Variants in ELF5 observed in about 807,000 individuals in gnomAD.
The protein encoded by ELF5 is E74 like ETS transcription factor 5.
Under a neutral mutation model 38.2 loss-of-function variants are expected in ELF5, and 31 were observed. The observed-to-expected ratio is 0.81, with a 90% CI of 0.61 to 1.10. ELF5 has a LOEUF of 1.10. ELF5 is among the 50% of genes least tolerant of loss of function. The pLI, the probability that ELF5 is intolerant of heterozygous loss-of-function variation, is 0.00. For synonymous variants in ELF5, 121 were observed against 112.5 expected, an observed-to-expected ratio of 1.08 and a Z score of -0.48; for missense variants, 300 against 306.6, an observed-to-expected ratio of 0.98 and a Z score of 0.16.
intron 3 of ELF5, chr11:34,492,603 C>G (rs1438654928): frequency 6.6e-6 from 1 of 152,176 alleles, no homozygotes; most frequent in Non-Finnish European, 1.5e-5. Context: ...AAAACAGCTG[C>G]CATTTACTGC....
intron 2 of ELF5, among the ~76,000 whole-genome samples, chr11:34,499,307 A>T (rs1175252175): frequency 6.6e-6 from 1 of 152,064 alleles, no homozygotes; most frequent in African/African-American, 2.4e-5. Context: ...AGTTGCTCGA[A>T]CATGGCTCAC....
chr11:34,496,653 C>T (rs930064202), intron 2 of ELF5, among the ~76,000 whole-genome samples: 1 of 152,214 alleles, frequency 6.6e-6, no homozygotes, highest in African/African-American at 2.4e-5. Flanking sequence ...AGGCGTCCTC[C>T]TCATCCCTCC....
intron 2 of ELF5, among the ~76,000 whole-genome samples, chr11:34,498,046 A>G (rs1358697537): frequency 6.6e-6 from 1 of 152,192 alleles, no homozygotes; most frequent in Admixed American, 6.5e-5. Context: ...CTTGAAAATC[A>G]CTGTTCTCAA....
chr11:34,490,677 G>T (rs1361939551), intron 3 of ELF5, among the ~76,000 whole-genome samples: 1 of 152,132 alleles, frequency 6.6e-6, no homozygotes, highest in East Asian at 1.9e-4. Context: ...GGTGGGCTGG[G>T]GTTGAATGAG....
At chr11:34,509,864 G>A (rs1415779812) in intron 1 of ELF5, among the ~76,000 whole-genome samples, 1 of 152,054 alleles carries the variant, frequency 6.6e-6, no homozygotes. Context: ...AATTCCACAC[G>A]GAAGAAAACA....
At position 34,486,838 on chromosome 11, in the gene ELF5, G is replaced by A. The variant is rs144063621; in HGVS notation, c.406+3171C>T. 5.5e-3 allele frequency among the ~76,000 whole-genome samples: 844 copies of A among 152,316 alleles called. 4 individuals carry two copies. Among genetic ancestry groups the A allele is most frequent in the African/African-American group, 0.019 (801 of 41,552 alleles). ...GGTAAAGACAGCTATATTCATTTTC[G>A]TTGAAGACCCAATGGGAACATTGCT... On this transcript the variant is annotated intron_variant, in intron 4 of 6. Transcript: ENST00000257832.
chr11:34,489,004 G>T (rs1850086559), intron 4 of ELF5, among the ~76,000 whole-genome samples: 1 of 152,208 alleles, frequency 6.6e-6, no homozygotes. Flanking sequence ...ACAGGTGGGT[G>T]AGATGCTACA....
At chr11:34,486,695 G>A (rs61188939) in intron 4 of ELF5, among the ~76,000 whole-genome samples, 1 of 152,346 alleles carries the variant, frequency 6.6e-6, no homozygotes, top group African/African-American at 2.4e-5. Flanking sequence ...AGTTTCCTCA[G>A]ATGCAAATGG....
chr11:34,484,013 T>C (rs1228067193), intron 4 of ELF5, among the ~76,000 whole-genome samples: 1 of 151,566 alleles, frequency 6.6e-6, no homozygotes, highest in Non-Finnish European at 1.5e-5. Flanking sequence ...ATTAACTGTA[T>C]TGTACTGTAC....
chr11:34,484,456 ATACTG>A (rs1857025513), intron 4 of ELF5, among the ~76,000 whole-genome samples: 2 of 100,926 alleles, frequency 2.0e-5, no homozygotes, highest in South Asian at 6.3e-4. Flanking sequence ...TATACTAACT[ATACTG>A]TACTGTGCTA....
chr11:34,500,402 A>G (rs887194660), intron 2 of ELF5, among the ~76,000 whole-genome samples: 1 of 152,246 alleles, frequency 6.6e-6, no homozygotes, highest in Non-Finnish European at 1.5e-5. Context: ...TCCCAGAGCC[A>G]GTCCAGCTCC....
chr11:34,502,118 G>A (rs1022857059), intron 2 of ELF5, among the ~76,000 whole-genome samples: 14 of 152,208 alleles, frequency 9.2e-5, no homozygotes, highest in African/African-American at 1.9e-4. Flanking sequence ...TGCCAGGCAC[G>A]TGACTAAACA....
intron 3 of ELF5, chr11:34,493,202 A>G: frequency 1.7e-6 from 1 of 591,482 alleles, no homozygotes; most frequent in South Asian, 2.1e-5. Context: ...ATACTGTATT[A>G]TTATCAGCCT....
At chr11:34,486,880 C>T (rs12790145) in intron 4 of ELF5, among the ~76,000 whole-genome samples, 44,604 of 151,882 alleles carry the variant, frequency 0.29, 8,594 homozygotes, top group Non-Finnish European at 0.41. Context: ...CCCAGGATGC[C>T]ACTTTCCTTA....
intron 1 of ELF5, among the ~76,000 whole-genome samples, chr11:34,506,302 A>G (rs34901344): frequency 0.3 from 45,528 of 151,940 alleles, 8,955 homozygotes; most frequent in Non-Finnish European, 0.42. Flanking sequence ...TCCTGGACAT[A>G]AAGGTGGGGA....
intron 1 of ELF5, among the ~76,000 whole-genome samples, chr11:34,513,052 C>A (rs188953021): frequency 1.3e-5 from 2 of 152,304 alleles, no homozygotes; most frequent in East Asian, 3.9e-4. Context: ...GGGGGCAACC[C>A]CACAGAAACC....
rs2133903139 is a variant in ELF5 at position 34,507,845 on chromosome 11, A to T, written c.-4-2092T>A. On this transcript the variant is annotated intron_variant, in intron 1 of 6. Coordinates refer to ENST00000257832, the MANE Select transcript of ELF5 (RefSeq NM_001422.4). ...GTAAGTGTCTTGGGATATTAAACAC[A>T]TGGAATTTTAAGATTGGCAGGAGTG... 2.6e-5 allele frequency among the ~76,000 whole-genome samples: 4 copies of T among 152,338 alleles called. No individual in the cohort carries two copies. The Middle Eastern group carries it at 0.01, about 389-fold the overall frequency.
intron 4 of ELF5, among the ~76,000 whole-genome samples, chr11:34,485,585 T>C (rs1357819079): frequency 6.6e-6 from 1 of 152,216 alleles, no homozygotes; most frequent in Non-Finnish European, 1.5e-5. Flanking sequence ...GAAGGGGATC[T>C]GGCTTGGTAG....
chr11:34,507,175 C>T (rs948917999), intron 1 of ELF5, among the ~76,000 whole-genome samples: 15 of 152,226 alleles, frequency 9.9e-5, no homozygotes, highest in African/African-American at 2.4e-4. Context: ...TATACTATCT[C>T]GCCTTCCTAA....
Sources: allele counts gnomAD v4.1 joint callset (sites outside exome capture counted in the v4.1 genomes callset), GRCh38; gene constraint gnomAD v4.1.1; transcripts MANE v1.5; gene names NCBI Gene and HGNC (gene_info 2026-07-23, HGNC 2026-07-21).